The following TMEM178B variants were observed in gnomAD, a reference collection of about 807,000 sequenced individuals.
TMEM178B encodes the protein transmembrane protein 178B.
Under a neutral mutation model 31.0 loss-of-function variants are expected in TMEM178B, and 5 were observed. That is an observed-to-expected ratio of 0.16 (90% CI 0.08 to 0.34). The LOEUF (loss-of-function observed/expected upper bound fraction) is 0.34, where lower values mean the gene tolerates loss of function less well. Among genes scored for constraint, TMEM178B ranks in the 10% least tolerant of loss-of-function variants. The probability of loss-of-function intolerance (pLI) is 1.00; values close to 1 mark genes in which losing one functional copy is unlikely to be tolerated. For synonymous variants in TMEM178B, 164 were observed against 164.0 expected, an observed-to-expected ratio of 1.00 and a Z score of 0.00; for missense variants, 275 against 400.3, an observed-to-expected ratio of 0.69 and a Z score of 2.67.
rs2116736977 is a variant in TMEM178B at position 141,475,202 on chromosome 7, C to T, written c.*4416C>T. 1 of 152,258 alleles carries T rather than the reference C, an allele frequency of 6.6e-6. No homozygotes were observed. The highest frequency in any genetic ancestry group is 6.5e-5 in the Admixed American group (1 of 15,300). 9.4% of individuals were successfully genotyped at this position (152,258 alleles called of 1,614,324 possible). ...CAGGGTTGCCTTCCATGCCATCTTC[C>T]AGCTGGTGTGGGATAGACTAAGGGG... On this transcript the variant is annotated 3_prime_UTR_variant, in exon 4 of 4. Coordinates refer to ENST00000565468, the MANE Select transcript of TMEM178B (RefSeq NM_001195278.2).
At chr7:141,359,744 C>T (rs750327757) in intron 2 of TMEM178B, among the ~76,000 whole-genome samples, 4 of 152,128 alleles carry the variant, frequency 2.6e-5, no homozygotes, top group Non-Finnish European at 5.9e-5. Flanking sequence ...TCTTTACTGC[C>T]TGCCACCTGT....
chr7:141,370,582 T>C (rs535521896), intron 2 of TMEM178B, among the ~76,000 whole-genome samples: 3 of 137,772 alleles, frequency 2.2e-5, no homozygotes, highest in Non-Finnish European at 4.7e-5. Flanking sequence ...TAGACTGATA[T>C]AGTTAAGTAG....
chr7:141,335,573 T>TTTTCATGAGAAGC (rs1343430590), intron 2 of TMEM178B, among the ~76,000 whole-genome samples: 3 of 151,924 alleles, frequency 2.0e-5, no homozygotes, highest in African/African-American at 7.3e-5. Flanking sequence ...TCATGAGAAG[T>TTTTCATGAGAAGC]TTTCATGAGA....
intron 1 of TMEM178B, among the ~76,000 whole-genome samples, chr7:141,096,068 A>G (rs1420285428): frequency 6.6e-6 from 1 of 152,236 alleles, no homozygotes; most frequent in Non-Finnish European, 1.5e-5. Context: ...AGAGGGGACT[A>G]TACAACATGA....
chr7:141,122,913 G>T lies in TMEM178B; in HGVS notation c.382+48221G>T, dbSNP rs1015155668. Among the ~76,000 whole-genome samples the T allele has an allele frequency of 1.2e-4, 18 of 152,204 alleles. 1 individual carries two copies. The highest frequency in any genetic ancestry group is 4.3e-4 in the African/African-American group (18 of 41,448). On this transcript the variant is annotated intron_variant, in intron 1 of 3. Transcript: ENST00000565468. ...ATTATTTCCTGCCCACTTGCAGGCG[G>T]ATCAAGGCTACTGGTCAGAAAAAGA...
At chr7:141,306,252 C>CT (rs1311665163) in intron 2 of TMEM178B, among the ~76,000 whole-genome samples, 1 of 152,166 alleles carries the variant, frequency 6.6e-6, no homozygotes, top group Non-Finnish European at 1.5e-5. Flanking sequence ...GCAAAATCCT[C>CT]TTTCACCTGC....
At chr7:141,319,096 G>T (rs1191510994) in intron 2 of TMEM178B, among the ~76,000 whole-genome samples, 1 of 152,220 alleles carries the variant, frequency 6.6e-6, no homozygotes, top group Admixed American at 6.5e-5. Context: ...AAAATCAAGA[G>T]ATTTGGCAAT....
chr7:141,172,357 T>C (rs1243108922), intron 1 of TMEM178B, among the ~76,000 whole-genome samples: 2 of 152,212 alleles, frequency 1.3e-5, no homozygotes, highest in East Asian at 1.9e-4. Context: ...TCCATGTCTC[T>C]GCCCTTGATG....
At chr7:141,491,582 C>T in the TMEM178B span, among the ~76,000 whole-genome samples, 1 of 152,142 alleles carries the variant, frequency 6.6e-6, no homozygotes, top group Admixed American at 6.5e-5. Context: ...ATAACATGAG[C>T]TTCCATTTTT....
rs1363491447 is a variant in TMEM178B, at chr7:141,479,561, G to A, written c.*8775G>A. 6.6e-6 allele frequency: 1 copy of A among 152,172 alleles called. No homozygotes were observed. The highest frequency in any genetic ancestry group is 2.4e-5 in the African/African-American group (1 of 41,432). The allele number at this position is 152,172 out of a possible 1,614,324, so 9.4% of individuals were successfully genotyped here. ...TGGAGAGAACAGAATAAAATGCAAGGAGCCAACCCCTGGGTATTCTCAAAG... is the reference window on the plus strand; with the variant it reads ...TGGAGAGAACAGAATAAAATGCAAGAAGCCAACCCCTGGGTATTCTCAAAG... On this transcript the variant is annotated 3_prime_UTR_variant, in exon 4 of 4. Coordinates refer to ENST00000565468, the MANE Select transcript of TMEM178B (RefSeq NM_001195278.2).
In TMEM178B at chr7:141,479,409, G is replaced by A. The variant is rs1178451352; in HGVS notation, c.*8623G>A. ...GGGTCTCCTAGGAGGTGGTGGTGTT[G>A]GTGACAAGTTCTACTTGGACTGGGA... On this transcript the variant is annotated 3_prime_UTR_variant, in exon 4 of 4. Coordinates refer to ENST00000565468, the MANE Select transcript of TMEM178B (RefSeq NM_001195278.2). 1 of 152,196 alleles carries A rather than the reference G, an allele frequency of 6.6e-6. No individual in the cohort carries two copies. Among genetic ancestry groups the A allele is most frequent in the Non-Finnish European group, 1.5e-5 (1 of 68,030 alleles). The allele number at this position is 152,196 out of a possible 1,614,324, so 9.4% of individuals were successfully genotyped here. A position where few individuals can be genotyped will look rare whatever the true frequency, so the allele number is the denominator to read the frequency against.
intron 2 of TMEM178B, among the ~76,000 whole-genome samples, chr7:141,410,208 C>T (rs577445965): frequency 9.8e-5 from 15 of 152,310 alleles, no homozygotes; most frequent in South Asian, 2.1e-4. Context: ...TGGACTTCAG[C>T]GGGGAGTCTG....
the TMEM178B span, among the ~76,000 whole-genome samples, chr7:141,505,448 AC>A: frequency 6.6e-6 from 1 of 152,220 alleles, no homozygotes; most frequent in East Asian, 1.9e-4. Flanking sequence ...TCCTCGCTAC[AC>A]TGAACTCAGC....
chr7:141,118,554 T>C (rs1795357885), intron 1 of TMEM178B, among the ~76,000 whole-genome samples: 5 of 152,230 alleles, frequency 3.3e-5, no homozygotes, highest in Admixed American at 3.3e-4. Context: ...GTGATTATTC[T>C]AGTTAAATCA....
intron 3 of TMEM178B, among the ~76,000 whole-genome samples, chr7:141,443,020 G>T (rs773347422): frequency 1.1e-4 from 17 of 152,310 alleles, no homozygotes; most frequent in Non-Finnish European, 1.8e-4. Context: ...TTTCCTTGCA[G>T]CTGCAGAACT....
chr7:141,215,639 A>G (rs1797120509), intron 2 of TMEM178B, among the ~76,000 whole-genome samples: 1 of 151,712 alleles, frequency 6.6e-6, no homozygotes, highest in South Asian at 2.1e-4. Context: ...TTATCATTTT[A>G]TAATCTGACC....
chr7:141,198,864 C>T (rs563520315), intron 1 of TMEM178B, among the ~76,000 whole-genome samples: 1 of 152,268 alleles, frequency 6.6e-6, no homozygotes, highest in African/African-American at 2.4e-5. Flanking sequence ...CGTGTGGGGC[C>T]GCAGGCAGGG....
chr7:141,092,127 C>A (rs1794891625), intron 1 of TMEM178B, among the ~76,000 whole-genome samples: 1 of 152,068 alleles, frequency 6.6e-6, no homozygotes, highest in Non-Finnish European at 1.5e-5. Context: ...TGGAAGAATT[C>A]CCAGACCGAG....
At chr7:141,107,877 A>G (rs1414295658) in intron 1 of TMEM178B, among the ~76,000 whole-genome samples, 1 of 152,202 alleles carries the variant, frequency 6.6e-6, no homozygotes, top group Non-Finnish European at 1.5e-5. Flanking sequence ...CACTATAACA[A>G]AAAGAGTTCC....
Sources: allele counts gnomAD v4.1 joint callset (sites outside exome capture counted in the v4.1 genomes callset), GRCh38; gene constraint gnomAD v4.1.1; transcripts MANE v1.5; gene names NCBI Gene and HGNC (gene_info 2026-07-23, HGNC 2026-07-21).